The following SDK1 variants were observed in gnomAD, a reference collection of about 807,000 sequenced individuals.
The protein encoded by SDK1 is sidekick cell adhesion molecule 1, also known as protein sidekick-1.
In SDK1, 157 loss-of-function variants were observed where a neutral mutation model predicts 245.5. That is an observed-to-expected ratio of 0.64 (90% CI 0.56 to 0.73). SDK1 has a LOEUF of 0.73. SDK1 is among the 30% of genes least tolerant of loss of function. The pLI is 0.00. For synonymous variants in SDK1, 1,647 were observed against 1,278.5 expected, an observed-to-expected ratio of 1.29 and a Z score of -6.15; for missense variants, 3,583 against 3,002.3, an observed-to-expected ratio of 1.19 and a Z score of -4.52.
At chr7:3,717,085 G>T (rs905627044) in intron 4 of SDK1, among the ~76,000 whole-genome samples, 3 of 152,272 alleles carry the variant, frequency 2.0e-5, no homozygotes, top group South Asian at 2.1e-4. Context: ...AAGGGAAAAA[G>T]ATTTCAGTCC....
intron 4 of SDK1, among the ~76,000 whole-genome samples, chr7:3,660,737 C>G (rs1285742745): frequency 1.3e-5 from 2 of 152,198 alleles, no homozygotes; most frequent in Non-Finnish European, 2.9e-5. Context: ...TGTTTTAGTG[C>G]TTGGTCTTTG....
chr7:3,690,861 A>T (rs1014122928), intron 4 of SDK1, among the ~76,000 whole-genome samples: 3 of 152,232 alleles, frequency 2.0e-5, no homozygotes, highest in African/African-American at 7.2e-5. Flanking sequence ...AAGAACTTTC[A>T]TAATAGACAG....
intron 35 of SDK1, among the ~76,000 whole-genome samples, chr7:4,196,027 C>T (rs1783556932): frequency 6.6e-6 from 1 of 152,214 alleles, no homozygotes; most frequent in South Asian, 2.1e-4. Context: ...GCCCTTCAGT[C>T]CCTCAAAGCT....
chr7:4,248,859 A>G (rs1787099860), intron 44 of SDK1, among the ~76,000 whole-genome samples: 1 of 152,152 alleles, frequency 6.6e-6, no homozygotes, highest in South Asian at 2.1e-4. Flanking sequence ...GCATGCATAT[A>G]TACACGTGCA....
In SDK1 at chr7:4,198,564, C is replaced by T. The variant is rs115027279; in HGVS notation, c.5099-7315C>T. 5.1e-3 allele frequency among the ~76,000 whole-genome samples: 772 copies of T among 152,318 alleles called. 4 individuals are homozygous for T. Among genetic ancestry groups the T allele is most frequent in the African/African-American group, 0.018 (745 of 41,578 alleles). On this transcript the variant is annotated intron_variant, in intron 35 of 44. Transcript: ENST00000404826. ...AGTTTTATTGGAACACCGCCACACCCGTGCATGTTGTTGGAGGCTGCTTTT... is the reference window on the plus strand; with the variant it reads ...AGTTTTATTGGAACACCGCCACACCTGTGCATGTTGTTGGAGGCTGCTTTT...
Position 4,221,264 on chromosome 7 carries a change from C to A in SDK1, c.5727C>A (p.Val1909=), listed in dbSNP as rs978209100. The A allele has an allele frequency of 6.2e-7, 1 of 1,613,832 alleles. No individual in the cohort carries two copies. Among genetic ancestry groups the A allele is most frequent in the Admixed American group, 1.7e-5 (1 of 60,024 alleles). ...GATCCCCGGGCTCGCCTAGAGATGT[C>A]CTGGTCACCAAGTCCGCCTCTGAAC... The part of the protein sequence containing the change: ...AEGSPGSPRD[V]LVTKSASELT... The change falls in exon 40 of 45, where the codon GTC becomes GTA. Residue 1909 remains valine (V), a synonymous_variant. Coordinates refer to ENST00000404826, the MANE Select transcript of SDK1 (RefSeq NM_152744.4).
intron 1 of SDK1, among the ~76,000 whole-genome samples, chr7:3,471,984 G>A (rs76036679): frequency 0.017 from 2,524 of 152,234 alleles, 36 homozygotes; most frequent in Middle Eastern, 0.041. Context: ...CTTGAAGGAT[G>A]CATTATAGTC....
intron 5 of SDK1, among the ~76,000 whole-genome samples, chr7:3,939,685 A>G (rs924786767): frequency 6.6e-6 from 1 of 152,184 alleles, no homozygotes; most frequent in African/African-American, 2.4e-5. Flanking sequence ...ATATATGTGT[A>G]TGTATATCTG....
intron 4 of SDK1, among the ~76,000 whole-genome samples, chr7:3,762,266 C>G (rs1780128341): frequency 6.6e-6 from 1 of 152,166 alleles, no homozygotes; most frequent in African/African-American, 2.4e-5. Flanking sequence ...ACTGGGTGTT[C>G]TGTGGGCATT....
intron 2 of SDK1, among the ~76,000 whole-genome samples, chr7:3,630,786 T>C (rs1390539689): frequency 6.6e-6 from 1 of 151,810 alleles, no homozygotes; most frequent in Non-Finnish European, 1.5e-5. Context: ...ATACACTGTG[T>C]TTATATATCT....
intron 1 of SDK1, among the ~76,000 whole-genome samples, chr7:3,387,893 A>T (rs957960827): frequency 6.6e-6 from 1 of 152,224 alleles, no homozygotes; most frequent in African/African-American, 2.4e-5. Context: ...CTAATATTAT[A>T]ATCCTTATTT....
At chr7:3,420,006 C>A (rs929047347) in intron 1 of SDK1, among the ~76,000 whole-genome samples, 1 of 152,208 alleles carries the variant, frequency 6.6e-6, no homozygotes. Context: ...GACTGTGAAA[C>A]ATGCCACCCA....
rs1788433884 is a variant in SDK1, at chr7:4,265,833, C to T, written c.*449C>T. On this transcript the variant is annotated 3_prime_UTR_variant, in exon 45 of 45. Coordinates refer to ENST00000404826, the MANE Select transcript of SDK1 (RefSeq NM_152744.4). ...TTCCAGAGAACCAGCGGCTCACACC[C>T]TTCTCAACGCAGGACATCCTCGGCG... 1 of 995,006 alleles carries T rather than the reference C, an allele frequency of 1.0e-6. No individual in the cohort carries two copies. Among genetic ancestry groups the T allele is most frequent in the African/African-American group, 1.7e-5 (1 of 57,640 alleles). The allele number at this position is 995,006 out of a possible 1,614,324, so 61.6% of individuals were successfully genotyped here.
Position 3,971,571 on chromosome 7 carries a change from C to G in SDK1, c.1817+3C>G. On this transcript the variant is annotated splice_donor_region_variant and intron_variant, in intron 12 of 44. Transcript: ENST00000404826. ...CATGACCCCCGGGTTTCACTCCGGT[C>G]AGCACAATCAGTTACAATGCTTTGG... is the stretch of plus-strand genomic sequence containing the variant. The G allele has an allele frequency of 6.3e-7, 1 of 1,599,436 alleles. No homozygotes were observed. The highest frequency in any genetic ancestry group is 8.6e-7 in the Non-Finnish European group (1 of 1,168,776).
At chr7:4,078,853 A>C (rs1199269864) in intron 21 of SDK1, among the ~76,000 whole-genome samples, 3 of 152,152 alleles carry the variant, frequency 2.0e-5, no homozygotes, top group African/African-American at 7.2e-5. Context: ...TGAGCAACTG[A>C]ATAGAAGCAG....
rs1041271211 is a variant in SDK1 at position 3,969,398 on chromosome 7, A to G, written c.1688A>G (p.Asn563Ser). ...GCGGCCAACACAGAGGGCTCCCTGA[A>G]TGCATCGGCCACGCTCACTGTGTGG... ...CYAANTEGSL[N>S]ASATLTVWNR... Residue 563 changes from asparagine to serine, a missense_variant, in exon 11 of 45, where the codon AAT becomes AGT. Transcript: ENST00000404826. 5 of 1,604,976 alleles carry G rather than the reference A, an allele frequency of 3.1e-6. No individual in the cohort carries two copies. Among genetic ancestry groups the G allele is most frequent in the East Asian group, 2.2e-5 (1 of 44,454 alleles).
At chr7:4,019,874 C>T (rs986772915) in intron 17 of SDK1, among the ~76,000 whole-genome samples, 2 of 152,106 alleles carry the variant, frequency 1.3e-5, no homozygotes, top group Non-Finnish European at 2.9e-5. Flanking sequence ...TCCCTTGTTC[C>T]CTTTTAAGCC....
intron 19 of SDK1, among the ~76,000 whole-genome samples, chr7:4,066,768 G>C (rs1053204234): frequency 6.6e-6 from 1 of 152,218 alleles, no homozygotes. Context: ...TGTCCCTGCT[G>C]TCCGGCCAGC....
intron 1 of SDK1, among the ~76,000 whole-genome samples, chr7:3,558,927 C>G (rs1779668567): frequency 6.6e-6 from 1 of 152,136 alleles, no homozygotes; most frequent in Non-Finnish European, 1.5e-5. Context: ...TTCACATAAT[C>G]ATTTTTCCCT....
Sources: allele counts gnomAD v4.1 joint callset (sites outside exome capture counted in the v4.1 genomes callset), GRCh38; gene constraint gnomAD v4.1.1; transcripts MANE v1.5; gene names NCBI Gene and HGNC (gene_info 2026-07-23, HGNC 2026-07-21).